Variants in LRRTM4 observed in about 807,000 individuals in gnomAD.
The protein encoded by LRRTM4 is leucine rich repeat transmembrane neuronal 4, also known as leucine-rich repeat transmembrane neuronal protein 4.
Under a neutral mutation model 47.6 loss-of-function variants are expected in LRRTM4, and 25 were observed. The observed-to-expected ratio is 0.53, with a 90% CI of 0.38 to 0.73. The LOEUF is 0.73. Ranked by LOEUF, LRRTM4 falls within the 30% of genes least tolerant of loss-of-function variation. LRRTM4 has a pLI of 0.00. For synonymous variants in LRRTM4, 311 were observed against 269.5 expected (o/e 1.15, Z -1.51); for missense variants, 638 against 713.4 (o/e 0.89, Z 1.20).
chr2:77,180,037 C>T lies in LRRTM4; in HGVS notation c.1551+338281G>A, dbSNP rs1192271216. Among the ~76,000 whole-genome samples the T allele has an allele frequency of 1.3e-5, 2 of 152,048 alleles. 1 individual carries two copies. Among genetic ancestry groups the T allele is most frequent in the Non-Finnish European group, 2.9e-5 (2 of 67,986 alleles). ...AAGTGGAGGGCAAAATAAAAAGGCA[C>T]TTTATTAGAATTGCTTATAAGATTT... is the stretch of plus-strand genomic sequence containing the variant. On this transcript the variant is annotated intron_variant, in intron 3 of 3. Coordinates refer to ENST00000409884, the MANE Select transcript of LRRTM4 (RefSeq NM_001134745.3).
At chr2:77,186,852 A>G (rs1673518838) in intron 3 of LRRTM4, among the ~76,000 whole-genome samples, 1 of 152,208 alleles carries the variant, frequency 6.6e-6, no homozygotes, top group Non-Finnish European at 1.5e-5. Flanking sequence ...CCAAACCCCA[A>G]GAAGCTGCCG....
chr2:77,123,278 T>A (rs1671567501), intron 3 of LRRTM4, among the ~76,000 whole-genome samples: 1 of 151,220 alleles, frequency 6.6e-6, no homozygotes, highest in South Asian at 2.1e-4. Flanking sequence ...TTAACTTGAG[T>A]TTGGCATGCT....
chr2:77,043,172 T>A (rs1679094765), intron 3 of LRRTM4, among the ~76,000 whole-genome samples: 1 of 151,796 alleles, frequency 6.6e-6, no homozygotes, highest in Non-Finnish European at 1.5e-5. Context: ...TATTGCTGTA[T>A]AAGTGGATGT....
At chr2:77,514,669 G>A (rs1040160313) in intron 3 of LRRTM4, among the ~76,000 whole-genome samples, 3 of 151,810 alleles carry the variant, frequency 2.0e-5, no homozygotes, top group Non-Finnish European at 4.4e-5. Context: ...CACTTTGGAT[G>A]GAGAGTCTCT....
intron 3 of LRRTM4, among the ~76,000 whole-genome samples, chr2:77,013,666 C>G (rs1573451535): frequency 1.3e-5 from 2 of 152,226 alleles, no homozygotes; most frequent in East Asian, 1.9e-4. Context: ...GAAATCAATG[C>G]CAGCTCCTAA....
At chr2:77,061,413 C>T (rs10179382) in intron 3 of LRRTM4, among the ~76,000 whole-genome samples, 16,450 of 152,030 alleles carry the variant, frequency 0.11, 1,119 homozygotes, top group Non-Finnish European at 0.15. Flanking sequence ...AAATAATAAA[C>T]CTGCAGAGTT....
intron 3 of LRRTM4, among the ~76,000 whole-genome samples, chr2:77,084,104 C>T (rs1026205872): frequency 1.3e-5 from 2 of 151,868 alleles, no homozygotes; most frequent in South Asian, 4.1e-4. Flanking sequence ...CATGCGTGGC[C>T]CTGGACACAT....
chr2:77,427,520 G>T (rs972719582), intron 3 of LRRTM4, among the ~76,000 whole-genome samples: 3 of 152,306 alleles, frequency 2.0e-5, no homozygotes, highest in Non-Finnish European at 4.4e-5. Context: ...GTGTAACAAT[G>T]ATTTATAAGC....
intron 3 of LRRTM4, among the ~76,000 whole-genome samples, chr2:76,815,388 G>A (rs1014294831): frequency 1.3e-5 from 2 of 152,036 alleles, no homozygotes; most frequent in Non-Finnish European, 2.9e-5. Flanking sequence ...TAATGAGAAC[G>A]TCCTGCATTT....
intron 3 of LRRTM4, among the ~76,000 whole-genome samples, chr2:77,185,136 A>T (rs565160720): frequency 2.4e-4 from 37 of 152,248 alleles, no homozygotes; most frequent in Non-Finnish European, 5.1e-4. Flanking sequence ...TGTATTATCT[A>T]TTTAGTAATC....
chr2:77,063,349 A>C (rs185188927), intron 3 of LRRTM4, among the ~76,000 whole-genome samples: 1 of 152,200 alleles, frequency 6.6e-6, no homozygotes, highest in East Asian at 1.9e-4. Flanking sequence ...CTTGTTTTAC[A>C]TCTCTTGGGT....
At chr2:77,363,797 C>T (rs1342645156) in intron 3 of LRRTM4, among the ~76,000 whole-genome samples, 1 of 152,132 alleles carries the variant, frequency 6.6e-6, no homozygotes, top group African/African-American at 2.4e-5. Context: ...TAATATTTAT[C>T]TCCTCCTTTT....
chr2:77,333,304 G>T (rs1285732824), intron 3 of LRRTM4, among the ~76,000 whole-genome samples: 3 of 152,168 alleles, frequency 2.0e-5, no homozygotes, highest in Non-Finnish European at 2.9e-5. Flanking sequence ...AACAGGCAGA[G>T]GTTGGAACAG....
intron 3 of LRRTM4, among the ~76,000 whole-genome samples, chr2:77,256,846 A>G (rs1675782463): frequency 7.1e-6 from 1 of 141,316 alleles, no homozygotes; most frequent in South Asian, 2.6e-4. Flanking sequence ...AGGAAGAAAG[A>G]GAGGAAGGGA....
At chr2:76,784,455 T>TAC (rs1558650813) in intron 3 of LRRTM4, among the ~76,000 whole-genome samples, 1 of 152,014 alleles carries the variant, frequency 6.6e-6, no homozygotes, top group Non-Finnish European at 1.5e-5. Context: ...TGTCTACATA[T>TAC]ACATAGATAT....
At chr2:76,938,303 T>G (rs2103854276) in intron 3 of LRRTM4, among the ~76,000 whole-genome samples, 1 of 152,298 alleles carries the variant, frequency 6.6e-6, no homozygotes, top group East Asian at 1.9e-4. Flanking sequence ...CTGAAGCATC[T>G]GGCTAATAGT....
chr2:77,122,780 G>C (rs1474984846), intron 3 of LRRTM4, among the ~76,000 whole-genome samples: 3 of 151,756 alleles, frequency 2.0e-5, no homozygotes, highest in African/African-American at 4.8e-5. Flanking sequence ...AAAAATATGG[G>C]ACAATAAACT....
chr2:77,503,336 G>A (rs1678645273), intron 3 of LRRTM4, among the ~76,000 whole-genome samples: 1 of 151,594 alleles, frequency 6.6e-6, no homozygotes, highest in African/African-American at 2.4e-5. Context: ...TGAGGGTGAG[G>A]ATGGGTTTAA....
intron 3 of LRRTM4, among the ~76,000 whole-genome samples, chr2:77,197,025 T>C (rs1363948735): frequency 1.3e-5 from 2 of 152,254 alleles, no homozygotes; most frequent in African/African-American, 2.4e-5. Flanking sequence ...ACTAAATCTG[T>C]TAGGAAAGTA....
Sources: gnomAD v4.1 joint callset for allele counts (sites outside exome capture counted in the v4.1 genomes callset) on GRCh38, gnomAD v4.1.1 for gene constraint, MANE v1.5 for transcripts, NCBI Gene and HGNC (gene_info 2026-07-23, HGNC 2026-07-21) for gene names.